Variants in GREB1 observed in about 807,000 individuals in gnomAD.
GREB1 encodes protein GREB1.
A neutral mutation model predicts 200.7 loss-of-function variants in GREB1; 106 were observed. The ratio of observed to expected loss-of-function variants is 0.53; its 90% CI spans 0.45 to 0.62. The LOEUF (loss-of-function observed/expected upper bound fraction) is 0.62. GREB1 is among the 20% of genes least tolerant of loss of function. GREB1 has a pLI of 0.00. For missense variants in GREB1, 2,243 were observed against 2,556.8 expected (o/e 0.88, Z 2.65); for synonymous variants, 1,132 against 1,092.4 (o/e 1.04, Z -0.72).
intron 20 of GREB1, 83 bp from the exon 21 acceptor site, chr2:11,616,546 AAC>A: frequency 1.2e-6 from 1 of 836,692 alleles, no homozygotes; most frequent in South Asian, 1.4e-5. Flanking sequence ...GATGCATGGG[AAC>A]ACACTTTACA....
intron 1 of GREB1, among the ~76,000 whole-genome samples, chr2:11,538,627 T>G (rs2148508117): frequency 4.4e-5 from 1 of 22,502 alleles, no homozygotes; most frequent in Non-Finnish European, 1.6e-4. Context: ...CTTTCTTTCT[T>G]TCTTTCTTTC....
Position 11,632,016 on chromosome 2 carries a change from G to C in GREB1, c.4719G>C (p.Val1573=), listed in dbSNP as rs1684916431. 6.2e-7 allele frequency: 1 copy of C among 1,613,812 alleles called. No individual in the cohort carries two copies. The highest frequency in any genetic ancestry group is 1.3e-5 in the African/African-American group (1 of 74,894). ...TGGACGGTGCCAGCCATTTGCACGT[G>C]CTGGTTGTCAAGGAATACGAGATGG... ...HAMDGASHLH[V]LVVKEYEMAI... is the part of the protein sequence containing the mutation. Residue 1573 remains valine, a synonymous_variant, in exon 27 of 33, where the codon GTG becomes GTC. Coordinates refer to ENST00000381486, the MANE Select transcript of GREB1 (RefSeq NM_014668.4).
At chr2:11,569,863 G>A (rs528377692) in intron 4 of GREB1, among the ~76,000 whole-genome samples, 3 of 152,232 alleles carry the variant, frequency 2.0e-5, no homozygotes, top group Admixed American at 6.5e-5. Context: ...GGCTGGAGCG[G>A]AGGCTGGTGG....
At chr2:11,576,279 C>A in intron 4 of GREB1, 74 bp from the exon 5 acceptor site, 1 of 1,237,234 alleles carries the variant, frequency 8.1e-7, no homozygotes, top group Non-Finnish European at 1.1e-6. Context: ...TGCATTCCAG[C>A]CTAGATGACA....
intron 2 of GREB1, among the ~76,000 whole-genome samples, chr2:11,557,990 G>C (rs898149763): frequency 3.3e-5 from 5 of 152,198 alleles, no homozygotes; most frequent in African/African-American, 1.2e-4. Flanking sequence ...TACATCTATA[G>C]TATTGAAGAG....
In GREB1 at chr2:11,562,435, T is replaced by G. The variant is rs776206518; in HGVS notation, c.158-28T>G. 4 of 1,610,252 alleles carry G rather than the reference T, an allele frequency of 2.5e-6. No homozygotes were observed. The South Asian group carries it at 4.4e-5, about 18-fold the overall frequency. ...CTCTGAGGCCAGACAGCAGCTGCCT[T>G]GCTCATCACTCTTCTTCCCGCATCT... On this transcript the variant is annotated intron_variant, in intron 2 of 32. Transcript: ENST00000381486.
At chr2:11,583,097 G>C (rs529454799) in intron 7 of GREB1, among the ~76,000 whole-genome samples, 1 of 152,150 alleles carries the variant, frequency 6.6e-6, no homozygotes, top group Non-Finnish European at 1.5e-5. Context: ...GATCCACATT[G>C]GTACCATGGG....
Position 11,487,673 on chromosome 2 carries a change from C to T in GREB1, c.-159+5292C>T, listed in dbSNP as rs143494500. On this transcript the variant is annotated intron_variant, in intron 1 of 2. Transcript: ENST00000628795. The stretch of plus-strand genomic sequence containing the variant: ...ATCTAAAACATGTGCAAAAATAGAA[C>T]GATTGTGAGCCTCTGTGTTCATCAT... Among the ~76,000 whole-genome samples the T allele has an allele frequency of 7.2e-5, 11 of 152,294 alleles. 1 individual carries two copies. Among genetic ancestry groups the T allele is most frequent in the East Asian group, 3.9e-4 (2 of 5,190 alleles).
chr2:11,513,384 G>A (rs1017676374), intron 1 of GREB1, among the ~76,000 whole-genome samples: 4 of 152,124 alleles, frequency 2.6e-5, no homozygotes, highest in East Asian at 3.9e-4. Context: ...AAGGAAGTTC[G>A]AAGCAGCTCA....
At chr2:11,532,203 C>G (rs1200136210), upstream of GREB1, among the ~76,000 whole-genome samples, 1 of 152,108 alleles carries the variant, frequency 6.6e-6, no homozygotes, top group East Asian at 1.9e-4. Flanking sequence ...GAAAATCAAC[C>G]CGCGTATAGG....
Position 11,544,421 on chromosome 2 carries a change from C to T in GREB1, c.-162+10167C>T, listed in dbSNP as rs546698707. Reference sequence around the variant, plus strand: ...TTTGTAGAGGCAGGGTTTCACCGTGCTAGCCAGGATGGTCTCGATCTCCTG... The same window carrying T: ...TTTGTAGAGGCAGGGTTTCACCGTGTTAGCCAGGATGGTCTCGATCTCCTG... On this transcript the variant is annotated intron_variant, in intron 1 of 32. Coordinates refer to ENST00000381486, the MANE Select transcript of GREB1 (RefSeq NM_014668.4). Among the ~76,000 whole-genome samples the T allele has an allele frequency of 6.9e-3, 1,046 of 152,128 alleles. 7 individuals carry two copies. The highest frequency in any genetic ancestry group is 0.022 in the African/African-American group (926 of 41,488).
intron 1 of GREB1, among the ~76,000 whole-genome samples, chr2:11,523,315 CA>C (rs1238229721): frequency 6.6e-6 from 1 of 151,926 alleles, no homozygotes; most frequent in African/African-American, 2.4e-5. Context: ...ACAATCTGTG[CA>C]AAACCCCCCC....
chr2:11,634,003 C>G, intron 28 of GREB1, 128 bp from the exon 29 acceptor site: 2 of 840,856 alleles, frequency 2.4e-6, no homozygotes, highest in Non-Finnish European at 4.0e-6. Flanking sequence ...CCTGGGGGGA[C>G]TGTGCGGGGC....
At chr2:11,611,970 G>C (rs191889004) in intron 18 of GREB1, among the ~76,000 whole-genome samples, 4 of 152,258 alleles carry the variant, frequency 2.6e-5, no homozygotes, top group Admixed American at 6.5e-5. Context: ...GAGGCGGGCG[G>C]ATCACTTGAG....
chr2:11,614,125 A>ACT (rs1491144646), intron 19 of GREB1, among the ~76,000 whole-genome samples: 15 of 99,548 alleles, frequency 1.5e-4, no homozygotes, highest in African/African-American at 4.2e-4. Context: ...GCGGACTTAG[A>ACT]TTTTTTTTTT....
chr2:11,544,188 C>T (rs1283861890), intron 1 of GREB1, among the ~76,000 whole-genome samples: 3 of 152,140 alleles, frequency 2.0e-5, no homozygotes, highest in East Asian at 1.9e-4. Context: ...ATGCTTAACC[C>T]CTCTAGTCTG....
At chr2:11,566,444 C>G in intron 3 of GREB1, 36 bp from the exon 4 acceptor site, 1 of 1,563,124 alleles carries the variant, frequency 6.4e-7, no homozygotes, top group Non-Finnish European at 8.7e-7. Flanking sequence ...TCTGGGAAGC[C>G]CTGGGCAGCG....
At chr2:11,543,324 T>C (rs7558961) in intron 1 of GREB1, among the ~76,000 whole-genome samples, 102,696 of 152,184 alleles carry the variant, frequency 0.67, 35,301 homozygotes, top group South Asian at 0.84. Context: ...AATTAAGTCT[T>C]TAGTTAACAT....
chr2:11,547,886 A>G (rs954265714), intron 1 of GREB1, among the ~76,000 whole-genome samples: 4 of 152,138 alleles, frequency 2.6e-5, no homozygotes, highest in Non-Finnish European at 5.9e-5. Flanking sequence ...CTTCTACCCC[A>G]AGAACACACT....
Sources: allele counts gnomAD v4.1 joint callset (sites outside exome capture counted in the v4.1 genomes callset), GRCh38; gene constraint gnomAD v4.1.1; transcripts MANE v1.5; gene names NCBI Gene and HGNC (gene_info 2026-07-23, HGNC 2026-07-21).